PDZRN4: variants seen among roughly 807,000 people sequenced by gnomAD.
The protein encoded by PDZRN4 is PDZ domain containing ring finger 4.
Under a neutral mutation model 99.0 loss-of-function variants are expected in PDZRN4, and 70 were observed. The observed-to-expected ratio is 0.71, with a 90% CI of 0.58 to 0.86. The LOEUF (loss-of-function observed/expected upper bound fraction) is 0.86. PDZRN4 is among the 40% of genes least tolerant of loss of function. The probability of loss-of-function intolerance (pLI) is 0.00; values close to 1 mark genes in which losing one functional copy is unlikely to be tolerated. For missense variants in PDZRN4, 1,474 were observed against 1,331.2 expected (o/e 1.11, Z -1.67); for synonymous variants, 551 against 501.6 (o/e 1.10, Z -1.32).
At chr12:41,329,740 G>A (rs1951731251) in intron 3 of PDZRN4, among the ~76,000 whole-genome samples, 1 of 152,134 alleles carries the variant, frequency 6.6e-6, no homozygotes, top group South Asian at 2.1e-4. Flanking sequence ...TTTAATGAGT[G>A]TTGTTTCATC....
At chr12:41,525,918 C>T (rs1364813117) in intron 5 of PDZRN4, among the ~76,000 whole-genome samples, 2 of 152,018 alleles carry the variant, frequency 1.3e-5, no homozygotes, top group Non-Finnish European at 2.9e-5. Flanking sequence ...TCCCAAACAT[C>T]GTAAAATAGT....
chr12:41,388,659 A>T (rs909148348), intron 3 of PDZRN4, among the ~76,000 whole-genome samples: 3 of 152,178 alleles, frequency 2.0e-5, no homozygotes, highest in African/African-American at 7.2e-5. Context: ...AAGAATGGAG[A>T]TGGTGAGAAA....
At chr12:41,285,613 A>G (rs1951417409) in intron 3 of PDZRN4, among the ~76,000 whole-genome samples, 1 of 152,196 alleles carries the variant, frequency 6.6e-6, no homozygotes, top group African/African-American at 2.4e-5. Context: ...CCAAATAACC[A>G]TCAACGTTAG....
At chr12:41,226,978 T>C (rs183896024) in intron 3 of PDZRN4, among the ~76,000 whole-genome samples, 1 of 152,196 alleles carries the variant, frequency 6.6e-6, no homozygotes, top group Non-Finnish European at 1.5e-5. Flanking sequence ...GTTTGTATCA[T>C]GCAGTTGCAG....
At chr12:41,400,114 G>T (rs1952279495) in intron 3 of PDZRN4, among the ~76,000 whole-genome samples, 1 of 152,138 alleles carries the variant, frequency 6.6e-6, no homozygotes, top group African/African-American at 2.4e-5. Context: ...CTCAGGTGCT[G>T]GTTGCAAGAA....
chr12:41,198,129 G>T (rs1410373899), intron 3 of PDZRN4, among the ~76,000 whole-genome samples: 1 of 151,848 alleles, frequency 6.6e-6, no homozygotes, highest in African/African-American at 2.4e-5. Flanking sequence ...TGCTGCCCAG[G>T]CTGGTCTTGA....
intron 5 of PDZRN4, among the ~76,000 whole-genome samples, chr12:41,514,421 A>C (rs992058740): frequency 6.6e-6 from 1 of 152,118 alleles, no homozygotes; most frequent in African/African-American, 2.4e-5. Flanking sequence ...GGAAATTTTC[A>C]TTCAAAAAAT....
chr12:41,280,057 T>A (rs941764986), intron 3 of PDZRN4, among the ~76,000 whole-genome samples: 2 of 152,038 alleles, frequency 1.3e-5, no homozygotes, highest in Admixed American at 6.5e-5. Context: ...GTGCAACCCA[T>A]GGAGGGCGAG....
At chr12:41,351,869 G>A (rs1352608191) in intron 3 of PDZRN4, among the ~76,000 whole-genome samples, 1 of 151,908 alleles carries the variant, frequency 6.6e-6, no homozygotes, top group African/African-American at 2.4e-5. Context: ...AATAAACTGG[G>A]CATGGTGATA....
Position 41,498,949 on chromosome 12 carries a change from C to T in PDZRN4, c.844-7507C>T, listed in dbSNP as rs149126092. Among the ~76,000 whole-genome samples, 409 of 152,116 alleles carry T rather than the reference C, an allele frequency of 2.7e-3. 6 individuals are homozygous for T. The highest frequency in any genetic ancestry group is 8.7e-4 in the Non-Finnish European group (59 of 67,978). ...TTGTTAAAGTCAGAAGAGTTTCATG[C>T]TTAGGGTCCCAGAAGAAAACAAATA... On this transcript the variant is annotated intron_variant, in intron 3 of 9. Transcript: ENST00000402685.
At chr12:41,555,032 C>A (rs1255427538) in intron 6 of PDZRN4, among the ~76,000 whole-genome samples, 2 of 135,154 alleles carry the variant, frequency 1.5e-5, no homozygotes, top group Non-Finnish European at 3.1e-5. Context: ...CACGGTGAAA[C>A]CCCATCTCTA....
At chr12:41,303,279 A>C (rs1230032553) in intron 3 of PDZRN4, among the ~76,000 whole-genome samples, 1 of 152,194 alleles carries the variant, frequency 6.6e-6, no homozygotes, top group African/African-American at 2.4e-5. Flanking sequence ...TGGCATAATT[A>C]CAAAGGAGAT....
chr12:41,425,340 T>C (rs1363385557), intron 3 of PDZRN4, among the ~76,000 whole-genome samples: 1 of 150,970 alleles, frequency 6.6e-6, no homozygotes, highest in African/African-American at 2.4e-5. Context: ...GTATGGAAGG[T>C]GGAAGTATAG....
At chr12:41,378,304 G>T (rs1265739606) in intron 3 of PDZRN4, among the ~76,000 whole-genome samples, 3 of 151,960 alleles carry the variant, frequency 2.0e-5, no homozygotes, top group African/African-American at 4.8e-5. Context: ...ATGCTGAACC[G>T]TCCTTACATT....
intron 4 of PDZRN4, among the ~76,000 whole-genome samples, chr12:41,507,217 T>G (rs1005499985): frequency 7.9e-5 from 12 of 152,102 alleles, no homozygotes; most frequent in Admixed American, 6.6e-4. Context: ...TTACCCAATA[T>G]ATTGAGATAT....
At chr12:41,233,327 T>G (rs1042427321) in intron 3 of PDZRN4, among the ~76,000 whole-genome samples, 18 of 152,146 alleles carry the variant, frequency 1.2e-4, no homozygotes, top group Non-Finnish European at 1.8e-4. Flanking sequence ...GGAACACTTT[T>G]ACACTGTTGG....
chr12:41,483,373 A>G (rs1451234837), intron 3 of PDZRN4, among the ~76,000 whole-genome samples: 1 of 152,138 alleles, frequency 6.6e-6, no homozygotes, highest in Non-Finnish European at 1.5e-5. Flanking sequence ...GAAATTTCTT[A>G]GGATTCTTAT....
At chr12:41,508,793 A>G (rs1246134363) in intron 4 of PDZRN4, among the ~76,000 whole-genome samples, 1 of 152,152 alleles carries the variant, frequency 6.6e-6, no homozygotes, top group Non-Finnish European at 1.5e-5. Context: ...CGCTGACTAT[A>G]GTATGAGGGC....
At chr12:41,526,426 A>C (rs1489077561) in intron 5 of PDZRN4, among the ~76,000 whole-genome samples, 1 of 152,186 alleles carries the variant, frequency 6.6e-6, no homozygotes, top group African/African-American at 2.4e-5. Context: ...TAAGGCTTTA[A>C]CATAATCCCT....
Sources: allele counts gnomAD v4.1 joint callset (sites outside exome capture counted in the v4.1 genomes callset), GRCh38; gene constraint gnomAD v4.1.1; transcripts MANE v1.5; gene names NCBI Gene and HGNC (gene_info 2026-07-23, HGNC 2026-07-21).